FBXO31: variants seen among roughly 807,000 people sequenced by gnomAD.
The protein encoded by FBXO31 is F-box protein 31, also known as F-box only protein 31.
FBXO31 carries 24 observed loss-of-function variants against 54.4 expected under a neutral mutation model. The ratio of observed to expected loss-of-function variants is 0.44; its 90% confidence interval spans 0.32 to 0.62. The LOEUF is 0.62. Ranked by LOEUF, FBXO31 falls within the 20% of genes least tolerant of loss-of-function variation. FBXO31 has a pLI of 0.05. For synonymous variants in FBXO31, 388 were observed against 335.6 expected, an observed-to-expected ratio of 1.16 and a Z score of -1.71; for missense variants, 665 against 787.1, an observed-to-expected ratio of 0.84 and a Z score of 1.86.
chr16:87,366,309 ACT>A (rs1273131097), intron 1 of FBXO31, among the ~76,000 whole-genome samples: 1 of 152,148 alleles, frequency 6.6e-6, no homozygotes, highest in East Asian at 1.9e-4. Flanking sequence ...GCATATGGGA[ACT>A]CTCTGCCCTT....
intron 1 of FBXO31, among the ~76,000 whole-genome samples, chr16:87,373,247 C>T (rs1025269673): frequency 7.9e-5 from 12 of 151,832 alleles, no homozygotes; most frequent in Non-Finnish European, 1.8e-4. Flanking sequence ...GTCAGGAGAT[C>T]GAGACCATCT....
rs1480579868 is a variant in FBXO31 at position 87,335,843 on chromosome 16, G to A, written c.842+312C>T. ...GTGCCAGTGTTGGCAGGGGTGACAG[G>A]AAATCAGATAAAAACAGACACCCGG... is the stretch of plus-strand genomic sequence containing the variant. On this transcript the variant is annotated intron_variant, in intron 6 of 8. Coordinates refer to ENST00000311635, the MANE Select transcript of FBXO31 (RefSeq NM_024735.5). The surrounding 1 kb of genome is among the most constrained non-coding windows in gnomAD (Gnocchi z 5.7). 6.6e-6 allele frequency among the ~76,000 whole-genome samples: 1 copy of A among 152,178 alleles called. No individual in the cohort carries two copies. Among genetic ancestry groups the A allele is most frequent in the African/African-American group, 2.4e-5 (1 of 41,444 alleles).
At chr16:87,343,935 T>C (rs187237430) in intron 3 of FBXO31, among the ~76,000 whole-genome samples, 170 bp from the exon 4 acceptor site, 20 of 152,260 alleles carry the variant, frequency 1.3e-4, no homozygotes, top group African/African-American at 4.6e-4. Flanking sequence ...ATCTTCCAGC[T>C]CTGAGATGCA....
chr16:87,348,556 G>T (rs1905496456), intron 2 of FBXO31, among the ~76,000 whole-genome samples: 1 of 152,164 alleles, frequency 6.6e-6, no homozygotes, highest in South Asian at 2.1e-4. Context: ...AGAGACTACA[G>T]ACCTGGCGGG....
At chr16:87,343,340 A>T (rs1290511459) in intron 4 of FBXO31, among the ~76,000 whole-genome samples, 2 of 152,260 alleles carry the variant, frequency 1.3e-5, no homozygotes, top group Non-Finnish European at 2.9e-5. Flanking sequence ...GGAAAAAAAG[A>T]CAGAGGAACT....
At position 87,335,761 on chromosome 16, in the gene FBXO31, G is replaced by A. The variant is rs755634343; in HGVS notation, c.843-304C>T. ...TTGCTCCATTACCCAGGAGAAAGGA[G>A]CCCAAGTCACCATGGAGGGGATCCC... On this transcript the variant is annotated intron_variant, in intron 6 of 8. Coordinates refer to ENST00000311635, the MANE Select transcript of FBXO31 (RefSeq NM_024735.5). This position sits in a 1 kb window ranked among gnomAD's most constrained non-coding sequence, Gnocchi z 5.7. Among the ~76,000 whole-genome samples the A allele has an allele frequency of 6.6e-5, 10 of 152,162 alleles. No individual in the cohort carries two copies. Among genetic ancestry groups the A allele is most frequent in the Non-Finnish European group, 1.3e-4 (9 of 68,016 alleles).
At chr16:87,355,917 A>G (rs935366367) in intron 2 of FBXO31, among the ~76,000 whole-genome samples, 3 of 152,222 alleles carry the variant, frequency 2.0e-5, no homozygotes, top group Non-Finnish European at 2.9e-5. Context: ...CCAGGTCCAC[A>G]GTGCACATTC....
chr16:87,373,593 G>C (rs914899253), intron 1 of FBXO31, among the ~76,000 whole-genome samples: 1 of 150,366 alleles, frequency 6.7e-6, no homozygotes, highest in African/African-American at 2.4e-5. Flanking sequence ...GCAGCGGTAT[G>C]AACAAGCTCA....
At chr16:87,364,014 G>T (rs1906248662) in intron 1 of FBXO31, among the ~76,000 whole-genome samples, 1 of 152,228 alleles carries the variant, frequency 6.6e-6, no homozygotes. Flanking sequence ...GGACGGGGAG[G>T]GCAGGGCTGG....
intron 2 of FBXO31, among the ~76,000 whole-genome samples, chr16:87,353,636 G>T (rs1472234339): frequency 6.6e-6 from 1 of 152,120 alleles, no homozygotes; most frequent in Non-Finnish European, 1.5e-5. Context: ...AGGCAGCAGG[G>T]CCCCGGACAC....
intron 1 of FBXO31, among the ~76,000 whole-genome samples, chr16:87,376,257 C>T (rs1015212497): frequency 2.6e-5 from 4 of 151,754 alleles, no homozygotes; most frequent in African/African-American, 9.7e-5. Flanking sequence ...GTGGGAAACT[C>T]AATTTTCTTT....
At chr16:87,333,377 AAG>A (rs543268604) in intron 8 of FBXO31, among the ~76,000 whole-genome samples, 1 of 152,290 alleles carries the variant, frequency 6.6e-6, no homozygotes, top group Admixed American at 6.5e-5. Flanking sequence ...GGGGGCAGGA[AAG>A]CAGGACCCAC....
At chr16:87,332,134 G>A (rs1006124104) in intron 8 of FBXO31, among the ~76,000 whole-genome samples, 2 of 152,234 alleles carry the variant, frequency 1.3e-5, no homozygotes, top group African/African-American at 4.8e-5. Context: ...GGCTCCAAAG[G>A]CCGGGGGAAA....
At chr16:87,350,477 T>C (rs1055775624) in intron 2 of FBXO31, among the ~76,000 whole-genome samples, 1 of 152,264 alleles carries the variant, frequency 6.6e-6, no homozygotes, top group African/African-American at 2.4e-5. Flanking sequence ...TACTTTACGG[T>C]CACACCTAGA....
chr16:87,370,306 G>T (rs1567485247), intron 1 of FBXO31, among the ~76,000 whole-genome samples: 1 of 152,204 alleles, frequency 6.6e-6, no homozygotes, highest in African/African-American at 2.4e-5. Context: ...GAGGGACAGG[G>T]ACACACAGAG....
intron 1 of FBXO31, among the ~76,000 whole-genome samples, chr16:87,375,980 A>C (rs1029208005): frequency 4.6e-5 from 7 of 152,202 alleles, no homozygotes; most frequent in African/African-American, 1.7e-4. Flanking sequence ...GTATAAAAAT[A>C]ACCAACTTAC....
chr16:87,340,410 G>A (rs554651440), intron 5 of FBXO31, among the ~76,000 whole-genome samples: 11 of 152,334 alleles, frequency 7.2e-5, no homozygotes, highest in South Asian at 2.1e-4. Context: ...CAAAAGCAGC[G>A]CTACAAATTG....
intron 2 of FBXO31, among the ~76,000 whole-genome samples, chr16:87,349,038 T>C (rs117107675): frequency 3.8e-4 from 58 of 152,312 alleles, no homozygotes; most frequent in Non-Finnish European, 7.5e-4. Context: ...GAAACATTCA[T>C]ACATGGGGAG....
At chr16:87,371,351 T>TC (rs1906595757) in intron 1 of FBXO31, among the ~76,000 whole-genome samples, 1 of 151,852 alleles carries the variant, frequency 6.6e-6, no homozygotes, top group African/African-American at 2.4e-5. Context: ...GCCAAGGGAG[T>TC]CCCCTCTCGC....
Sources: allele counts gnomAD v4.1 joint callset (sites outside exome capture counted in the v4.1 genomes callset), GRCh38; gene constraint gnomAD v4.1.1; non-coding constraint Gnocchi (gnomAD v3.1); transcripts MANE v1.5; gene names NCBI Gene and HGNC (gene_info 2026-07-23, HGNC 2026-07-21).